Variants in NOC2L observed in about 807,000 individuals in gnomAD.
NOC2L encodes NOC2 like nucleolar associated transcriptional repressor, also known as nucleolar complex protein 2 homolog.
A neutral mutation model predicts 94.2 loss-of-function variants in NOC2L; 101 were observed. That is an observed-to-expected ratio of 1.07 (90% CI 0.91 to 1.26). The LOEUF (loss-of-function observed/expected upper bound fraction) is 1.26, where lower values mean the gene tolerates loss of function less well. Ranked by LOEUF, NOC2L falls within the 50% of genes most tolerant of loss-of-function variation. The pLI, the probability that NOC2L is intolerant of heterozygous loss-of-function variation, is 0.00. For missense variants in NOC2L, 1,076 were observed against 980.1 expected, an observed-to-expected ratio of 1.10 and a Z score of -1.31; for synonymous variants, 531 against 413.4, an observed-to-expected ratio of 1.28 and a Z score of -3.45.
At chr1:944,870 T>A in intron 18 of NOC2L, 70 bp from the exon 19 acceptor site, 1 of 1,295,782 alleles carries the variant, frequency 7.7e-7, no homozygotes, top group Non-Finnish European at 1.1e-6. Context: ...AGGTTACTCA[T>A]CACTAATTAA....
intron 14 of NOC2L, among the ~76,000 whole-genome samples, chr1:947,518 C>G (rs922176582): frequency 2.0e-5 from 3 of 152,360 alleles, no homozygotes; most frequent in African/African-American, 7.2e-5. Context: ...CAGCAGGGCC[C>G]CCACCCCTTC....
intron 6 of NOC2L, among the ~76,000 whole-genome samples, chr1:955,401 C>T (rs751095614): frequency 6.6e-6 from 1 of 152,256 alleles, no homozygotes; most frequent in African/African-American, 2.4e-5. Context: ...CCAACGTGCT[C>T]CATGCTCTAC....
intron 17 of NOC2L, 129 bp downstream of exon 17, chr1:945,389 T>A: frequency 8.5e-7 from 1 of 1,182,524 alleles, no homozygotes; most frequent in East Asian, 2.5e-5. Context: ...AACACTGAGG[T>A]TGGCCCCAGC....
At chr1:957,067 T>A in intron 3 of NOC2L, 32 bp downstream of exon 3, 2 of 1,613,974 alleles carry the variant, frequency 1.2e-6, no homozygotes, top group Non-Finnish European at 1.7e-6. Flanking sequence ...TAGAGACAAG[T>A]GCCCCCCTTC....
chr1:948,008 C>T (rs2100380654), intron 14 of NOC2L, 123 bp downstream of exon 14: 1 of 740,830 alleles, frequency 1.3e-6, no homozygotes, highest in Non-Finnish European at 2.3e-6. Flanking sequence ...GCGTTGCCAG[C>T]AGTCAGGTTC....
intron 12 of NOC2L, 23 bp downstream of exon 12, chr1:951,104 A>G (rs756049986): frequency 1.3e-6 from 2 of 1,517,660 alleles, no homozygotes; most frequent in African/African-American, 2.8e-5. Context: ...GAGGTGCCAC[A>G]CGCCCACCAC....
Position 944,323 on chromosome 1 carries a change from G to C in NOC2L, c.*371C>G. 1 of 1,386,968 alleles carries C rather than the reference G, an allele frequency of 7.2e-7. No individual in the cohort carries two copies. The highest frequency in any genetic ancestry group is 3.4e-5 in the Admixed American group (1 of 29,314). The allele number at this position is 1,386,968 out of a possible 1,614,324, so 85.9% of individuals were successfully genotyped here. A position where few individuals can be genotyped will look rare whatever the true frequency, so the allele number is the denominator to read the frequency against. On this transcript the variant is annotated 3_prime_UTR_variant, in exon 19 of 19. Transcript: ENST00000327044. Reference sequence around the variant, plus strand: ...AACAAATTTTCAAAGACTTGGGGGAGTGAAGGCAGAGCCTGGTGCAGATGG... The same window carrying C: ...AACAAATTTTCAAAGACTTGGGGGACTGAAGGCAGAGCCTGGTGCAGATGG...
intron 17 of NOC2L, 29 bp downstream of exon 17, chr1:945,488 CT>C: frequency 6.2e-7 from 1 of 1,612,006 alleles, no homozygotes; most frequent in Non-Finnish European, 8.5e-7. Context: ...CAGGCCCACC[CT>C]TCCCCTGGGA....
chr1:951,869 C>A, intron 11 of NOC2L, 131 bp downstream of exon 11: 1 of 1,033,550 alleles, frequency 9.7e-7, no homozygotes, highest in Non-Finnish European at 1.4e-6. Context: ...GGACCCCAGC[C>A]CTTCCTCAGG....
chr1:956,241 G>A (rs757976283), intron 4 of NOC2L, 26 bp from the exon 5 acceptor site: 22 of 1,610,236 alleles, frequency 1.4e-5, no homozygotes, highest in South Asian at 6.6e-5. Flanking sequence ...TACCAGGGGC[G>A]TCAGGGGAGC....
At chr1:953,380 TC>T (rs921252903) in intron 8 of NOC2L, 92 bp from the exon 9 acceptor site, 5 of 743,336 alleles carry the variant, frequency 6.7e-6, no homozygotes, top group Non-Finnish European at 1.2e-5. Context: ...AGGCAAAGGC[TC>T]CCATGGCCAC....
Position 944,737 on chromosome 1 carries a change from G to A in NOC2L, c.2207C>T (p.Pro736Leu), listed in dbSNP as rs757699867. ...PGELQQLAQG[P>L]EDELEDLQLS... ...CTGCAGATCCTCCAGCTCGTCCTCC[G>A]GCCCCTGGGCCAGCTGCTGCAGCTC... is the stretch of plus-strand genomic sequence containing the variant. The change falls in exon 19 of 19, where the codon CCG becomes CTG. Residue 736 changes from proline to leucine, a missense_variant. Pro to Leu is a moderately conservative substitution (Grantham distance 98). This residue lies in a region of NOC2L where 615 missense variants were observed against 577.4 expected (regional missense o/e 1.07). Coordinates refer to ENST00000327044, the MANE Select transcript of NOC2L (RefSeq NM_015658.4). 2.4e-5 allele frequency: 38 copies of A among 1,600,160 alleles called. No individual in the cohort carries two copies. The highest frequency in any genetic ancestry group is 6.7e-5 in the East Asian group (3 of 44,752).
At chr1:955,825 T>G (rs1020344671) in intron 6 of NOC2L, 98 bp downstream of exon 6, 6 of 1,036,828 alleles carry the variant, frequency 5.8e-6, no homozygotes, top group Non-Finnish European at 8.8e-6. Flanking sequence ...CTGGCTCTGT[T>G]GCCATGTCTC....
Position 956,021 on chromosome 1 carries a change from GA to G in NOC2L, c.608-9del, listed in dbSNP as rs757531403. On this transcript the variant is annotated splice_polypyrimidine_tract_variant and intron_variant, in intron 5 of 18. Coordinates refer to ENST00000327044, the MANE Select transcript of NOC2L (RefSeq NM_015658.4). ...TAACCAGAGCATTGAATGCTGCAAC[GA>G]AAAGGCCTGGATGTACTCACGGGAC... The G allele has an allele frequency of 2.0e-5, 33 of 1,613,876 alleles. No individual in the cohort carries two copies. The highest frequency in any genetic ancestry group is 2.6e-5 in the Non-Finnish European group (31 of 1,180,026).
rs1642420493 is a variant in NOC2L at position 956,972 on chromosome 1, G to A, written c.408C>T (p.Val136=). 17 of 1,613,956 alleles carry A rather than the reference G, an allele frequency of 1.1e-5. No individual in the cohort carries two copies. In the East Asian group the frequency reaches 3.8e-4, roughly 36 times the overall value. ...GAEEGEDGDR[V]PRGLKGKKNS... Reference sequence around the variant, plus strand: ...TCTTCTTCCCCTTCAGCCCTCTGGGGACTCTGTCCCCATCTTCTCCTTCCT... The same window carrying A: ...TCTTCTTCCCCTTCAGCCCTCTGGGAACTCTGTCCCCATCTTCTCCTTCCT... Residue 136 remains valine, a synonymous_variant, in exon 4 of 19, where the codon GTC becomes GTT. Transcript: ENST00000327044.
intron 12 of NOC2L, among the ~76,000 whole-genome samples, chr1:949,814 C>CCCT: frequency 6.6e-6 from 1 of 152,336 alleles, no homozygotes; most frequent in Middle Eastern, 3.4e-3. Flanking sequence ...TGTTCAGCAT[C>CCCT]CCTGCCTCAG....
At chr1:957,055 T>C (rs1230513033) in intron 3 of NOC2L, 30 bp from the exon 4 acceptor site, 3 of 1,613,748 alleles carry the variant, frequency 1.9e-6, no homozygotes, top group African/African-American at 2.7e-5. Context: ...TGAAGGAGAG[T>C]GTAGAGACAA....
At chr1:951,659 T>G (rs1226354230) in intron 11 of NOC2L, among the ~76,000 whole-genome samples, 1 of 152,196 alleles carries the variant, frequency 6.6e-6, no homozygotes, top group Non-Finnish European at 1.5e-5. Flanking sequence ...ACACCCAAAA[T>G]GCAGTTCACT....
chr1:954,892 G>C (rs74045022), intron 6 of NOC2L, among the ~76,000 whole-genome samples: 3,319 of 152,092 alleles, frequency 0.022, 104 homozygotes, highest in African/African-American at 0.071. Context: ...CAGAGCCCAC[G>C]CAGTAGGCGC....
Sources: allele counts gnomAD v4.1 joint callset (sites outside exome capture counted in the v4.1 genomes callset), GRCh38; gene constraint gnomAD v4.1.1; regional missense constraint gnomAD v4.1.1; transcripts MANE v1.5; gene names NCBI Gene and HGNC (gene_info 2026-07-23, HGNC 2026-07-21).